The following EXOC6B variants were observed in gnomAD, a reference collection of about 807,000 sequenced individuals.
The protein encoded by EXOC6B is SEC15 homolog B.
In EXOC6B, 54 loss-of-function variants were observed where a neutral mutation model predicts 113.5. The ratio of observed to expected loss-of-function variants is 0.48; its 90% CI spans 0.38 to 0.60. EXOC6B has a LOEUF of 0.60. Among genes scored for constraint, EXOC6B ranks in the 20% least tolerant of loss-of-function variants. The probability of loss-of-function intolerance (pLI) is 0.00; values close to 1 mark genes in which losing one functional copy is unlikely to be tolerated. For missense variants in EXOC6B, 797 were observed against 977.5 expected (o/e 0.82, Z 2.46); for synonymous variants, 357 against 339.0 (o/e 1.05, Z -0.58).
intron 20 of EXOC6B, among the ~76,000 whole-genome samples, chr2:72,213,779 C>T (rs1680337218): frequency 6.6e-6 from 1 of 152,124 alleles, no homozygotes; most frequent in African/African-American, 2.4e-5. Flanking sequence ...CTGAGAGAAA[C>T]CTCTTACCCC....
intron 19 of EXOC6B, among the ~76,000 whole-genome samples, chr2:72,374,238 A>G (rs1323340396): frequency 6.6e-6 from 1 of 152,200 alleles, no homozygotes; most frequent in African/African-American, 2.4e-5. Flanking sequence ...GCACTCTCAT[A>G]TTTGTTGCAG....
Position 72,496,878 on chromosome 2 carries a change from A to T in EXOC6B, c.1338-319T>A, listed in dbSNP as rs757280922. Among the ~76,000 whole-genome samples, 64 of 151,518 alleles carry T rather than the reference A, an allele frequency of 4.2e-4. 1 individual carries two copies. The highest frequency in any genetic ancestry group is 3.2e-4 in the Non-Finnish European group (22 of 67,900). On this transcript the variant is annotated intron_variant, in intron 13 of 21. Coordinates refer to ENST00000272427, the MANE Select transcript of EXOC6B (RefSeq NM_015189.3). ...ATTTCAATGTAAGTGAGAAGTAAACAACAAAAGAATGTGTGCTCTAGAAAA... is the reference window on the plus strand; with the variant it reads ...ATTTCAATGTAAGTGAGAAGTAAACTACAAAAGAATGTGTGCTCTAGAAAA...
At chr2:72,756,508 C>T (rs1044845596) in intron 1 of EXOC6B, among the ~76,000 whole-genome samples, 2 of 152,094 alleles carry the variant, frequency 1.3e-5, no homozygotes, top group African/African-American at 4.8e-5. Flanking sequence ...AAAACAGAGA[C>T]CAATTATTTG....
At chr2:72,750,073 A>AAC (rs141961340) in intron 1 of EXOC6B, among the ~76,000 whole-genome samples, 5 of 150,730 alleles carry the variant, frequency 3.3e-5, no homozygotes, top group East Asian at 1.9e-4. Flanking sequence ...CACACACACA[A>AAC]ACACACACAC....
chr2:72,522,047 A>G (rs1701517833), intron 8 of EXOC6B, among the ~76,000 whole-genome samples: 1 of 152,178 alleles, frequency 6.6e-6, no homozygotes, highest in Non-Finnish European at 1.5e-5. Context: ...AATTTAACCT[A>G]AATACTAAAG....
chr2:72,598,114 C>T (rs1670191062), intron 6 of EXOC6B, among the ~76,000 whole-genome samples: 2 of 151,928 alleles, frequency 1.3e-5, no homozygotes, highest in African/African-American at 4.8e-5. Flanking sequence ...CATTCAATAA[C>T]AGCAGAATAC....
intron 20 of EXOC6B, among the ~76,000 whole-genome samples, chr2:72,300,941 G>A (rs1331671037): frequency 1.3e-5 from 2 of 152,152 alleles, no homozygotes; most frequent in Non-Finnish European, 2.9e-5. Flanking sequence ...CATCAATCTC[G>A]CTGGGAGGTG....
chr2:72,425,424 A>G (rs144700667), intron 18 of EXOC6B, among the ~76,000 whole-genome samples: 99 of 152,310 alleles, frequency 6.5e-4, no homozygotes, highest in African/African-American at 2.3e-3. Flanking sequence ...TGGAAGACAT[A>G]TTCTAATTTC....
At chr2:72,313,494 A>AT (rs1297954555) in intron 20 of EXOC6B, among the ~76,000 whole-genome samples, 1 of 152,188 alleles carries the variant, frequency 6.6e-6, no homozygotes, top group Non-Finnish European at 1.5e-5. Context: ...ACAGTATACA[A>AT]ATCAAGACTC....
At chr2:72,534,996 T>C (rs1702201331) in intron 8 of EXOC6B, among the ~76,000 whole-genome samples, 1 of 152,162 alleles carries the variant, frequency 6.6e-6, no homozygotes, top group South Asian at 2.1e-4. Context: ...CCTAAAGTGG[T>C]TTCAGGAAAC....
intron 6 of EXOC6B, among the ~76,000 whole-genome samples, chr2:72,687,340 C>A (rs898541797): frequency 6.6e-6 from 1 of 152,142 alleles, no homozygotes; most frequent in Non-Finnish European, 1.5e-5. Context: ...GTTGGCTGCA[C>A]AGCCGTATTT....
At chr2:72,355,231 T>A (rs1179680383) in intron 19 of EXOC6B, among the ~76,000 whole-genome samples, 1 of 152,210 alleles carries the variant, frequency 6.6e-6, no homozygotes, top group East Asian at 1.9e-4. Flanking sequence ...TACTCATATA[T>A]ATAATTGCCA....
At chr2:72,449,846 TAC>T (rs1306698612) in intron 18 of EXOC6B, among the ~76,000 whole-genome samples, 1 of 152,164 alleles carries the variant, frequency 6.6e-6, no homozygotes, top group Non-Finnish European at 1.5e-5. Context: ...TCTAGTCTAA[TAC>T]TCTGTCCGAC....
intron 18 of EXOC6B, among the ~76,000 whole-genome samples, chr2:72,397,683 T>C (rs573856787): frequency 6.5e-5 from 9 of 137,640 alleles, no homozygotes; most frequent in East Asian, 1.9e-4. Context: ...CACTCATATA[T>C]TCAAGGCATT....
At chr2:72,298,892 T>C (rs1686320206) in intron 20 of EXOC6B, among the ~76,000 whole-genome samples, 1 of 152,136 alleles carries the variant, frequency 6.6e-6, no homozygotes, top group Admixed American at 6.5e-5. Context: ...GGTAACCTGA[T>C]TGTTCTCTCT....
chr2:72,339,353 C>T (rs1460648437), intron 19 of EXOC6B, among the ~76,000 whole-genome samples: 1 of 152,078 alleles, frequency 6.6e-6, no homozygotes, highest in African/African-American at 2.4e-5. Flanking sequence ...CTTTGCAATC[C>T]AGAATTTTTA....
intron 18 of EXOC6B, among the ~76,000 whole-genome samples, chr2:72,438,472 C>T (rs528502349): frequency 3.5e-4 from 53 of 152,194 alleles, no homozygotes; most frequent in African/African-American, 1.2e-3. Flanking sequence ...AGTTAACTGT[C>T]GTGGCATGTG....
intron 8 of EXOC6B, among the ~76,000 whole-genome samples, chr2:72,546,011 G>C (rs1203098660): frequency 1.3e-5 from 2 of 152,108 alleles, no homozygotes; most frequent in African/African-American, 4.8e-5. Context: ...ACATGACTAT[G>C]GTTTCCGTAG....
chr2:72,413,161 C>T (rs1694294684), intron 18 of EXOC6B, among the ~76,000 whole-genome samples: 1 of 151,616 alleles, frequency 6.6e-6, no homozygotes, highest in Non-Finnish European at 1.5e-5. Flanking sequence ...CGGGGTTTCA[C>T]CATGTTAGCC....
Sources: gnomAD v4.1 joint callset for allele counts (sites outside exome capture counted in the v4.1 genomes callset) on GRCh38, gnomAD v4.1.1 for gene constraint, MANE v1.5 for transcripts, NCBI Gene and HGNC (gene_info 2026-07-23, HGNC 2026-07-21) for gene names.